The following ITPR1 variants were observed in gnomAD, a reference collection of about 807,000 sequenced individuals.
The protein encoded by ITPR1 is inositol 1,4,5-trisphosphate receptor type 1, also known as inositol 1,4,5-trisphosphate-gated calcium channel ITPR1.
ITPR1 carries 96 observed loss-of-function variants against 318.4 expected under a neutral mutation model. The observed-to-expected ratio is 0.30, with a 90% confidence interval of 0.26 to 0.36. The LOEUF is 0.36. Ranked by LOEUF, ITPR1 falls within the 10% of genes least tolerant of loss-of-function variation. The pLI, the probability that ITPR1 is intolerant of heterozygous loss-of-function variation, is 1.00. For synonymous variants in ITPR1, 1,312 were observed against 1,289.9 expected, an observed-to-expected ratio of 1.02 and a Z score of -0.37; for missense variants, 2,440 against 3,460.2, an observed-to-expected ratio of 0.71 and a Z score of 7.40.
intron 2 of ITPR1, among the ~76,000 whole-genome samples, chr3:4,496,239 C>T (rs1253938505): frequency 6.6e-6 from 1 of 152,094 alleles, no homozygotes; most frequent in African/African-American, 2.4e-5. Flanking sequence ...ATGTTGATAC[C>T]TTTTCATATA....
chr3:4,751,856 C>T (rs2044553759), intron 44 of ITPR1, among the ~76,000 whole-genome samples: 1 of 152,210 alleles, frequency 6.6e-6, no homozygotes. Context: ...CTCATGTACA[C>T]ACTTGGATCC....
intron 33 of ITPR1, among the ~76,000 whole-genome samples, chr3:4,693,946 G>A (rs553552760): frequency 3.5e-4 from 54 of 152,260 alleles, no homozygotes; most frequent in African/African-American, 9.6e-4. Context: ...GAAGTTAGTC[G>A]TTCTTTCTGT....
intron 52 of ITPR1, among the ~76,000 whole-genome samples, chr3:4,792,787 C>T (rs2047655457): frequency 6.6e-6 from 1 of 152,194 alleles, no homozygotes. Flanking sequence ...AGCAGTTTCA[C>T]TCTACTCTTA....
intron 2 of ITPR1, among the ~76,000 whole-genome samples, chr3:4,511,363 AGCCAGAGGGTGGT>A (rs2081812225): frequency 6.6e-6 from 1 of 152,128 alleles, no homozygotes; most frequent in Admixed American, 6.5e-5. Flanking sequence ...AGGGAAGCTC[AGCCAGAGGGTGGT>A]GTCAGGCTCA....
rs151186421 is a variant in ITPR1, at chr3:4,634,634, A to T, written c.280-4750A>T. On this transcript the variant is annotated intron_variant, in intron 5 of 61. Transcript: ENST00000649015. ...AGGAAAAGCAAAAAAATATTAATTG[A>T]TGTGATTCGTAAATTGTGTTCCTCA... is the stretch of plus-strand genomic sequence containing the variant. Among the ~76,000 whole-genome samples the T allele has an allele frequency of 3.4e-4, 52 of 152,322 alleles. No homozygotes were observed. The East Asian group carries it at 6.7e-3, about 20-fold the overall frequency.
At chr3:4,509,962 A>G (rs867827488) in intron 2 of ITPR1, among the ~76,000 whole-genome samples, 9 of 152,252 alleles carry the variant, frequency 5.9e-5, no homozygotes, top group Non-Finnish European at 1.0e-4. Context: ...CTTGCAGTCT[A>G]GTGGAGAAGA....
intron 46 of ITPR1, among the ~76,000 whole-genome samples, chr3:4,773,388 G>A: frequency 6.6e-6 from 1 of 152,364 alleles, no homozygotes; most frequent in African/African-American, 2.4e-5. Context: ...AGTGGTAACA[G>A]AAGTTTGAGA....
intron 54 of ITPR1, 85 bp downstream of exon 54, chr3:4,800,685 G>A: frequency 1.5e-6 from 2 of 1,357,838 alleles, no homozygotes; most frequent in Non-Finnish European, 2.1e-6. Flanking sequence ...ATCCTGGCCT[G>A]TGCTTTCAGT....
At chr3:4,800,899 G>A (rs921027249) in intron 54 of ITPR1, among the ~76,000 whole-genome samples, 1 of 152,146 alleles carries the variant, frequency 6.6e-6, no homozygotes, top group African/African-American at 2.4e-5. Flanking sequence ...AGTTAGTTTT[G>A]CCAATCTGGT....
At chr3:4,796,149 A>G (rs981704806) in intron 53 of ITPR1, among the ~76,000 whole-genome samples, 3 of 152,178 alleles carry the variant, frequency 2.0e-5, no homozygotes, top group Non-Finnish European at 4.4e-5. Flanking sequence ...CAGTTTAAGG[A>G]CCAACTTGAA....
At chr3:4,638,272 G>C (rs1163837770) in intron 5 of ITPR1, among the ~76,000 whole-genome samples, 1 of 152,198 alleles carries the variant, frequency 6.6e-6, no homozygotes, top group African/African-American at 2.4e-5. Flanking sequence ...CCATCCATCA[G>C]ATTCAATACT....
chr3:4,570,965 T>C (rs2125036384), intron 4 of ITPR1, among the ~76,000 whole-genome samples: 1 of 152,302 alleles, frequency 6.6e-6, no homozygotes, highest in African/African-American at 2.4e-5. Flanking sequence ...TGCCTGAGGG[T>C]TGGCTTGCTG....
At chr3:4,523,718 C>T (rs985671221) in intron 4 of ITPR1, among the ~76,000 whole-genome samples, 8 of 152,116 alleles carry the variant, frequency 5.3e-5, no homozygotes, top group African/African-American at 1.4e-4. Flanking sequence ...ATAATGTCCT[C>T]CGGGTTCATT....
At chr3:4,687,759 A>G (rs1225397313) in intron 30 of ITPR1, among the ~76,000 whole-genome samples, 1 of 152,238 alleles carries the variant, frequency 6.6e-6, no homozygotes, top group Non-Finnish European at 1.5e-5. Flanking sequence ...TGAATCACAT[A>G]ATCCAACCAC....
At chr3:4,702,979 G>T (rs553291095) in intron 36 of ITPR1, 29 bp downstream of exon 36, 2 of 1,602,336 alleles carry the variant, frequency 1.2e-6, no homozygotes, top group East Asian at 4.5e-5. Flanking sequence ...TTGGATATAC[G>T]TGATGAAAAT....
At chr3:4,653,343 A>T (rs1164208202) in intron 11 of ITPR1, among the ~76,000 whole-genome samples, 1 of 152,154 alleles carries the variant, frequency 6.6e-6, no homozygotes, top group Non-Finnish European at 1.5e-5. Flanking sequence ...TATATTTAAG[A>T]ACTGAAGATC....
chr3:4,742,451 C>T (rs1251863334), intron 44 of ITPR1, among the ~76,000 whole-genome samples: 1 of 152,130 alleles, frequency 6.6e-6, no homozygotes, highest in Non-Finnish European at 1.5e-5. Flanking sequence ...CTCAGGACTC[C>T]TGGCGAAGTC....
Position 4,846,674 on chromosome 3 carries a change from G to T in ITPR1, c.*449G>T, listed in dbSNP as rs2051803717. Reference sequence around the variant, plus strand: ...TTTGAAGCTGGTGTGTTAATACTATGTAATAAATGGTTAACTTTCAAATGA... The same window carrying T: ...TTTGAAGCTGGTGTGTTAATACTATTTAATAAATGGTTAACTTTCAAATGA... On this transcript the variant is annotated 3_prime_UTR_variant, in exon 62 of 62. Transcript: ENST00000649015. 1 of 152,790 alleles carries T rather than the reference G, an allele frequency of 6.5e-6. No individual in the cohort carries two copies. The highest frequency in any genetic ancestry group is 1.5e-5 in the Non-Finnish European group (1 of 68,154). The allele number at this position is 152,790 out of a possible 1,614,324, so 9.5% of individuals were successfully genotyped here.
rs2094513135 is a variant in ITPR1, at chr3:4,693,616, C to A, written c.4156C>A (p.His1386Asn). The change falls in exon 33 of 62, where the codon CAC (histidine) becomes AAC (asparagine). Residue 1386 changes from histidine (H) to asparagine (N), a missense_variant. Physicochemically the swap from His to Asn is moderately conservative, Grantham distance 68 (BLOSUM62 1). Transcript: ENST00000649015. ...DENSPLMYHIHLVELLAVCTE... is the reference protein window; with the variant it reads ...DENSPLMYHINLVELLAVCTE... ...GAACAGCCCTCTCATGTACCACATCCACTTGGTCGAGCTCCTGGCTGTGTG... is the reference window on the plus strand; with the variant it reads ...GAACAGCCCTCTCATGTACCACATCAACTTGGTCGAGCTCCTGGCTGTGTG... 1 of 1,614,054 alleles carries A rather than the reference C, an allele frequency of 6.2e-7. No homozygotes were observed. Among genetic ancestry groups the A allele is most frequent in the African/African-American group, 1.3e-5 (1 of 75,064 alleles).
Sources: allele counts gnomAD v4.1 joint callset (sites outside exome capture counted in the v4.1 genomes callset), GRCh38; gene constraint gnomAD v4.1.1; transcripts MANE v1.5; gene names NCBI Gene and HGNC (gene_info 2026-07-23, HGNC 2026-07-21).